ARMC2: variants seen among roughly 807,000 people sequenced by gnomAD.
ARMC2 encodes the protein armadillo repeat containing 2.
In ARMC2, 67 loss-of-function variants were observed where a neutral mutation model predicts 90.3. The ratio of observed to expected loss-of-function variants is 0.74; its 90% confidence interval spans 0.61 to 0.91. The LOEUF (loss-of-function observed/expected upper bound fraction) is 0.91. ARMC2 is among the 40% of genes least tolerant of loss of function. The pLI, the probability that ARMC2 is intolerant of heterozygous loss-of-function variation, is 0.00. For synonymous variants in ARMC2, 393 were observed against 393.0 expected (o/e 1.00, Z 0.00); for missense variants, 920 against 1,030.9 (o/e 0.89, Z 1.47).
chr6:108,874,121 A>G (rs1776705795), intron 4 of ARMC2, among the ~76,000 whole-genome samples: 1 of 152,240 alleles, frequency 6.6e-6, no homozygotes, highest in Admixed American at 6.5e-5. Context: ...TCTACCGAGA[A>G]GATACAGACC....
intron 2 of ARMC2, among the ~76,000 whole-genome samples, chr6:108,856,931 C>T (rs1002154541): frequency 2.6e-5 from 4 of 152,184 alleles, no homozygotes; most frequent in African/African-American, 9.7e-5. Flanking sequence ...ATCTGTTTGT[C>T]TTTTCTTTCA....
intron 7 of ARMC2, 112 bp downstream of exon 7, chr6:108,899,904 C>G (rs1458490555): frequency 5.1e-6 from 4 of 777,520 alleles, no homozygotes; most frequent in Non-Finnish European, 8.3e-6. Flanking sequence ...TTTTCACTAT[C>G]ATTTCTGTGA....
At chr6:108,978,822 CTT>C (rs375168964), downstream of ARMC2, among the ~76,000 whole-genome samples, 3 of 147,014 alleles carry the variant, frequency 2.0e-5, no homozygotes, top group South Asian at 2.1e-4. Flanking sequence ...GCAACCCCTG[CTT>C]TTTTTTTTTC....
the ARMC2 span, among the ~76,000 whole-genome samples, chr6:109,021,596 C>T: frequency 8.7e-3 from 1,330 of 152,160 alleles, 25 homozygotes; most frequent in African/African-American, 0.03. Context: ...TGCCACCAAG[C>T]CTGGCTAATT....
At chr6:108,855,248 T>C (rs78848703) in intron 2 of ARMC2, among the ~76,000 whole-genome samples, 2,369 of 151,372 alleles carry the variant, frequency 0.016, 73 homozygotes, top group African/African-American at 0.056. Flanking sequence ...CTTTTTGTTT[T>C]TCTTTTTTTT....
intron 17 of ARMC2, among the ~76,000 whole-genome samples, chr6:108,969,038 G>A (rs1435065772): frequency 6.6e-6 from 1 of 152,172 alleles, no homozygotes; most frequent in Non-Finnish European, 1.5e-5. Flanking sequence ...GCCCCTCTGT[G>A]GGGAGCTGGC....
chr6:108,990,030 C>T, the ARMC2 span, among the ~76,000 whole-genome samples: 2 of 152,128 alleles, frequency 1.3e-5, no homozygotes, highest in African/African-American at 2.4e-5. Flanking sequence ...TAGGTTTTGA[C>T]CAGAGTCTCT....
At chr6:108,865,914 G>A (rs1448528044) in intron 3 of ARMC2, among the ~76,000 whole-genome samples, 1 of 151,812 alleles carries the variant, frequency 6.6e-6, no homozygotes, top group Admixed American at 6.6e-5. Flanking sequence ...CTACTCAGGA[G>A]GCTGAGGCTG....
At chr6:108,970,962 C>T (rs75711671) in intron 17 of ARMC2, among the ~76,000 whole-genome samples, 4 of 152,100 alleles carry the variant, frequency 2.6e-5, no homozygotes, top group African/African-American at 9.7e-5. Context: ...GTGGCTCACA[C>T]CTGTAATCCC....
chr6:108,908,644 C>T (rs1371118875), intron 8 of ARMC2, among the ~76,000 whole-genome samples: 10 of 151,064 alleles, frequency 6.6e-5, no homozygotes. Context: ...GCTGCTCTGG[C>T]GGCTGAGGCA....
chr6:109,041,592 C>CT, the ARMC2 span, among the ~76,000 whole-genome samples: 1 of 151,696 alleles, frequency 6.6e-6, no homozygotes, highest in Non-Finnish European at 1.5e-5. Flanking sequence ...AAGAAAATTA[C>CT]CAGAGACAAG....
At chr6:108,986,266 G>A in the ARMC2 span, among the ~76,000 whole-genome samples, 1 of 152,156 alleles carries the variant, frequency 6.6e-6, no homozygotes, top group Admixed American at 6.5e-5. Flanking sequence ...GATAAAAATG[G>A]TCTCAGATAA....
At chr6:108,983,285 A>G in the ARMC2 span, among the ~76,000 whole-genome samples, 1 of 152,190 alleles carries the variant, frequency 6.6e-6, no homozygotes, top group Non-Finnish European at 1.5e-5. Flanking sequence ...AGTCTGATGT[A>G]ATTCCAATGG....
the ARMC2 span, chr6:108,990,709 C>G: frequency 3.1e-6 from 5 of 1,614,002 alleles, no homozygotes; most frequent in African/African-American, 2.7e-5. Flanking sequence ...GTATCAACAT[C>G]TTTGTGCATT....
chr6:108,884,516 T>C (rs1173410589), intron 5 of ARMC2, among the ~76,000 whole-genome samples: 1 of 151,984 alleles, frequency 6.6e-6, no homozygotes, highest in Non-Finnish European at 1.5e-5. Flanking sequence ...CCTAGAGTAG[T>C]TGGGATTTGG....
At position 108,921,760 on chromosome 6, in the gene ARMC2, CTGTT is replaced by C. The variant is rs1166171268; in HGVS notation, c.1351-6324_1351-6321del. Reference sequence around the variant, plus strand: ...GGCTTTAGTCATAAATCATTTCACACTGTTTGTGGTCTCTGGCGGCTGCGTTTAT... The same window carrying C: ...GGCTTTAGTCATAAATCATTTCACACTGTGGTCTCTGGCGGCTGCGTTTAT... On this transcript the variant is annotated intron_variant, in intron 10 of 17. Coordinates refer to ENST00000392644, the MANE Select transcript of ARMC2 (RefSeq NM_032131.6). 2.6e-5 allele frequency among the ~76,000 whole-genome samples: 4 copies of C among 152,356 alleles called. No individual in the cohort carries two copies. In the South Asian group the frequency reaches 6.2e-4, roughly 24 times the overall value.
At chr6:108,968,438 C>G (rs1269297804) in intron 17 of ARMC2, among the ~76,000 whole-genome samples, 1 of 152,216 alleles carries the variant, frequency 6.6e-6, no homozygotes, top group South Asian at 2.1e-4. Context: ...ACAGCTCACT[C>G]AGGAAGCCAA....
chr6:108,957,012 T>C (rs1013851589), intron 13 of ARMC2, among the ~76,000 whole-genome samples: 7 of 152,180 alleles, frequency 4.6e-5, no homozygotes, highest in Non-Finnish European at 1.0e-4. Context: ...TGGCTGCTCC[T>C]GATACAGGTG....
chr6:108,896,009 A>G (rs555190300), intron 6 of ARMC2, among the ~76,000 whole-genome samples: 2 of 152,358 alleles, frequency 1.3e-5, no homozygotes, highest in East Asian at 1.9e-4. Flanking sequence ...GAGATTTTAC[A>G]ATACTAAATA....
Sources: gnomAD v4.1 joint callset for allele counts (sites outside exome capture counted in the v4.1 genomes callset) on GRCh38, gnomAD v4.1.1 for gene constraint, MANE v1.5 for transcripts, NCBI Gene and HGNC (gene_info 2026-07-23, HGNC 2026-07-21) for gene names.